Variants in STK3 observed in about 807,000 individuals in gnomAD.
The protein encoded by STK3 is serine/threonine kinase 3, also known as serine/threonine-protein kinase 3.
Under a neutral mutation model 58.0 loss-of-function variants are expected in STK3, and 41 were observed. The ratio of observed to expected loss-of-function variants is 0.71; its 90% CI spans 0.55 to 0.92. The LOEUF is 0.92. Among genes scored for constraint, STK3 ranks in the 40% least tolerant of loss-of-function variants. The pLI, the probability that STK3 is intolerant of heterozygous loss-of-function variation, is 0.00. For missense variants in STK3, 479 were observed against 602.7 expected, an observed-to-expected ratio of 0.79 and a Z score of 2.15; for synonymous variants, 170 against 191.0, an observed-to-expected ratio of 0.89 and a Z score of 0.91.
intron 6 of STK3, among the ~76,000 whole-genome samples, chr8:98,607,556 T>G (rs1816872643): frequency 6.6e-6 from 1 of 152,258 alleles, no homozygotes; most frequent in African/African-American, 2.4e-5. Flanking sequence ...CTTTTTAGCA[T>G]CTTTTTAGCA....
At chr8:98,854,220 C>T (rs1238891472) in intron 3 of STK3, among the ~76,000 whole-genome samples, 1 of 152,074 alleles carries the variant, frequency 6.6e-6, no homozygotes. Context: ...CTCACTGCAA[C>T]CTCTGCCTCC....
chr8:98,561,621 C>T (rs1563741407), intron 8 of STK3, among the ~76,000 whole-genome samples: 1 of 152,074 alleles, frequency 6.6e-6, no homozygotes, highest in Non-Finnish European at 1.5e-5. Context: ...TCATCCACTG[C>T]ACTCAGCTTG....
downstream of STK3, among the ~76,000 whole-genome samples, chr8:98,370,409 C>G (rs556383924): frequency 5.3e-4 from 80 of 150,786 alleles, no homozygotes; most frequent in African/African-American, 1.9e-3. Flanking sequence ...CTGGCTTTAA[C>G]ACTGATCCCA....
chr8:98,635,427 A>T (rs1282891660), intron 6 of STK3, among the ~76,000 whole-genome samples: 1 of 152,198 alleles, frequency 6.6e-6, no homozygotes, highest in Non-Finnish European at 1.5e-5. Flanking sequence ...TGAGGGATAG[A>T]AAGGTTAAAT....
At chr8:98,501,828 T>C (rs1810236243) in intron 10 of STK3, among the ~76,000 whole-genome samples, 1 of 152,252 alleles carries the variant, frequency 6.6e-6, no homozygotes, top group African/African-American at 2.4e-5. Context: ...TAGTTTGAAG[T>C]CAGGTAGCGT....
chr8:98,484,153 A>C (rs551931876), intron 10 of STK3, among the ~76,000 whole-genome samples: 1 of 80,082 alleles, frequency 1.2e-5, no homozygotes, highest in East Asian at 4.3e-4. Context: ...ACTTAGACTA[A>C]AGTCCACTTT....
chr8:98,774,844 GAAAAT>G, intron 1 of STK3, 25 bp from the exon 2 acceptor site: 1 of 1,499,700 alleles, frequency 6.7e-7, no homozygotes, highest in East Asian at 2.3e-5. Flanking sequence ...AAAGAAGAAA[GAAAAT>G]ATTTTCTTTA....
chr8:98,688,571 T>A (rs1047440684), intron 6 of STK3, among the ~76,000 whole-genome samples: 8 of 152,126 alleles, frequency 5.3e-5, no homozygotes, highest in African/African-American at 1.9e-4. Context: ...ATACCAAGCA[T>A]CTTTTCAGAC....
intron 3 of STK3, among the ~76,000 whole-genome samples, chr8:98,760,775 C>T (rs1249055850): frequency 1.3e-5 from 2 of 151,820 alleles, no homozygotes; most frequent in African/African-American, 2.4e-5. Context: ...TGATCACATC[C>T]TTTCCATTTC....
At chr8:98,506,282 C>A (rs1289372079) in intron 10 of STK3, among the ~76,000 whole-genome samples, 1 of 152,174 alleles carries the variant, frequency 6.6e-6, no homozygotes, top group African/African-American at 2.4e-5. Context: ...GGAGGCATCC[C>A]GTTTTTCCAG....
intron 2 of STK3, among the ~76,000 whole-genome samples, chr8:98,436,487 G>A (rs1021311411): frequency 6.6e-6 from 1 of 152,168 alleles, no homozygotes; most frequent in African/African-American, 2.4e-5. Flanking sequence ...GAACCACAGT[G>A]TTCTTGGCCC....
At chr8:98,530,222 G>C (rs1176482321) in intron 9 of STK3, among the ~76,000 whole-genome samples, 1 of 152,114 alleles carries the variant, frequency 6.6e-6, no homozygotes, top group Admixed American at 6.6e-5. Flanking sequence ...AGGTAAACTT[G>C]TGTCATGGGG....
rs1373141122 is a variant in STK3, at chr8:98,698,406, T to A, written c.684+8061A>T. ...TATGTGTGAATTTGATCCTGTCATT[T>A]TGATGTTAGCTGGTTATTTTGCTCG... is the stretch of plus-strand genomic sequence containing the variant. On this transcript the variant is annotated intron_variant, in intron 6 of 10. Transcript: ENST00000419617. Among the ~76,000 whole-genome samples the A allele has an allele frequency of 1.2e-4, 18 of 152,192 alleles. 1 individual carries two copies. In the Middle Eastern group the frequency reaches 0.014, roughly 116 times the overall value.
chr8:98,749,421 A>T, intron 3 of STK3, 31 bp from the exon 4 acceptor site: 1 of 1,314,556 alleles, frequency 7.6e-7, no homozygotes, highest in Non-Finnish European at 1.1e-6. Flanking sequence ...AATTAAATTT[A>T]GTTAATTCCC....
At chr8:98,893,477 A>T (rs1328078026) in intron 1 of STK3, among the ~76,000 whole-genome samples, 1 of 63,414 alleles carries the variant, frequency 1.6e-5, no homozygotes, top group East Asian at 4.6e-4. Flanking sequence ...AAAGAAAGAA[A>T]GAAAGAAAGA....
chr8:98,435,465 A>T (rs537287376), intron 2 of STK3, among the ~76,000 whole-genome samples: 1 of 152,100 alleles, frequency 6.6e-6, no homozygotes, highest in Non-Finnish European at 1.5e-5. Flanking sequence ...GACCAGATGA[A>T]TGTTGTCAGA....
At chr8:98,346,121 A>G in the STK3 span, among the ~76,000 whole-genome samples, 2 of 151,882 alleles carry the variant, frequency 1.3e-5, no homozygotes, top group Admixed American at 6.5e-5. Flanking sequence ...CCCCATCTCC[A>G]CAAAAATACA....
chr8:98,410,879 C>A (rs1031448810), intron 3 of STK3, among the ~76,000 whole-genome samples: 1 of 152,130 alleles, frequency 6.6e-6, no homozygotes, highest in African/African-American at 2.4e-5. Context: ...AATTTACCCT[C>A]AGATCAATAG....
At chr8:98,411,395 A>C (rs1818055651) in intron 3 of STK3, among the ~76,000 whole-genome samples, 1 of 152,228 alleles carries the variant, frequency 6.6e-6, no homozygotes, top group African/African-American at 2.4e-5. Context: ...AAACATCTTC[A>C]CTTAAGGCCA....
Sources: gnomAD v4.1 joint callset for allele counts (sites outside exome capture counted in the v4.1 genomes callset) on GRCh38, gnomAD v4.1.1 for gene constraint, MANE v1.5 for transcripts, NCBI Gene and HGNC (gene_info 2026-07-23, HGNC 2026-07-21) for gene names.